IL12RB1: variants seen among roughly 807,000 people sequenced by gnomAD.
The protein encoded by IL12RB1 is interleukin-12 receptor subunit beta-1.
In IL12RB1, 64 loss-of-function variants were observed where a neutral mutation model predicts 94.4. That is an observed-to-expected ratio of 0.68 (90% CI 0.55 to 0.83). The LOEUF (loss-of-function observed/expected upper bound fraction) is 0.83, where lower values mean the gene tolerates loss of function less well. Among genes scored for constraint, IL12RB1 ranks in the 40% least tolerant of loss-of-function variants. The pLI, the probability that IL12RB1 is intolerant of heterozygous loss-of-function variation, is 0.00. For missense variants in IL12RB1, 814 were observed against 855.6 expected (o/e 0.95, Z 0.61); for synonymous variants, 362 against 355.5 (o/e 1.02, Z -0.21).
chr19:18,086,684 A>G, intron 1 of IL12RB1, 76 bp downstream of exon 1: 1 of 1,439,562 alleles, frequency 6.9e-7, no homozygotes. Context: ...CCCACACAGC[A>G]GGCCCACAGC....
chr19:18,066,462 C>G, intron 12 of IL12RB1, 80 bp downstream of exon 12: 1 of 1,032,882 alleles, frequency 9.7e-7, no homozygotes, highest in South Asian at 1.3e-5. Flanking sequence ...CGGCAAGGTG[C>G]CCAGGGTCAC....
chr19:18,077,410 G>A, intron 5 of IL12RB1, 106 bp downstream of exon 5: 1 of 855,278 alleles, frequency 1.2e-6, no homozygotes, highest in Non-Finnish European at 1.9e-6. Context: ...GCTAGAGTGG[G>A]GGCTGGTTGG....
intron 1 of IL12RB1, among the ~76,000 whole-genome samples, chr19:18,097,092 C>A (rs1417310059): frequency 1.3e-5 from 2 of 152,072 alleles, no homozygotes; most frequent in Non-Finnish European, 2.9e-5. Context: ...TGTGGGGCCA[C>A]CTTAAATTTT....
intron 1 of IL12RB1, among the ~76,000 whole-genome samples, chr19:18,096,413 T>C (rs1404297945): frequency 1.3e-5 from 2 of 151,922 alleles, no homozygotes; most frequent in Non-Finnish European, 2.9e-5. Flanking sequence ...AAAAAGAAAC[T>C]GACAACTGCA....
intron 9 of IL12RB1, 129 bp downstream of exon 9, chr19:18,071,983 A>G: frequency 1.4e-6 from 1 of 704,820 alleles, no homozygotes; most frequent in Middle Eastern, 3.7e-4. Context: ...AATTTTTGAT[A>G]CACCCCTAAA....
chr19:18,072,521 C>G (rs373075221), intron 8 of IL12RB1, among the ~76,000 whole-genome samples, 172 bp from the exon 9 acceptor site: 1 of 152,272 alleles, frequency 6.6e-6, no homozygotes, highest in East Asian at 1.9e-4. Context: ...TGCTGTGAGA[C>G]AGGCATTCAC....
At chr19:18,095,864 T>C (rs1343843252) in intron 1 of IL12RB1, among the ~76,000 whole-genome samples, 3 of 152,002 alleles carry the variant, frequency 2.0e-5, no homozygotes, top group African/African-American at 7.2e-5. Context: ...GTGTCCACAC[T>C]GTACAGTGGG....
intron 1 of IL12RB1, chr19:18,098,700 C>A: frequency 2.2e-6 from 1 of 456,680 alleles, no homozygotes; most frequent in Non-Finnish European, 4.4e-6. Flanking sequence ...ACTTAGACCA[C>A]ACCCTTAAGA....
chr19:18,071,368 TA>T, intron 9 of IL12RB1: 1 of 1,019,184 alleles, frequency 9.8e-7, no homozygotes, highest in Non-Finnish European at 1.3e-6. Flanking sequence ...AGATCTTAAA[TA>T]AACACAGGGT....
intron 4 of IL12RB1, among the ~76,000 whole-genome samples, chr19:18,078,486 G>T (rs1295451002): frequency 6.6e-6 from 1 of 151,848 alleles, no homozygotes; most frequent in East Asian, 1.9e-4. Context: ...TGTTAGTGAA[G>T]ATAACTTTAA....
intron 1 of IL12RB1, among the ~76,000 whole-genome samples, chr19:18,094,842 C>T (rs1236768045): frequency 1.3e-5 from 2 of 151,452 alleles, no homozygotes; most frequent in African/African-American, 4.9e-5. Context: ...CCATATGACC[C>T]CGGAAGTCCA....
intron 3 of IL12RB1, among the ~76,000 whole-genome samples, chr19:18,081,645 ACT>A (rs1316445716): frequency 6.6e-6 from 1 of 151,504 alleles, no homozygotes; most frequent in Non-Finnish European, 1.5e-5. Flanking sequence ...ACATGGTGAG[ACT>A]CTGTCTCTAC....
At chr19:18,097,963 C>G in intron 1 of IL12RB1, 1 of 715,150 alleles carries the variant, frequency 1.4e-6, no homozygotes, top group Non-Finnish European at 1.9e-6. Flanking sequence ...ACGCTCAGAT[C>G]GCTTCTTTTT....
At chr19:18,069,522 G>A (rs1156559784) in intron 10 of IL12RB1, 24 bp downstream of exon 10, 11 of 1,586,524 alleles carry the variant, frequency 6.9e-6, no homozygotes, top group African/African-American at 1.3e-5. Flanking sequence ...GGAGGGGTAG[G>A]CGCAGGCCAT....
At chr19:18,083,512 T>A (rs778791839) in intron 1 of IL12RB1, 21 bp from the exon 2 acceptor site, 1 of 1,612,800 alleles carries the variant, frequency 6.2e-7, no homozygotes. Flanking sequence ...AATGAAGACA[T>A]AATGACATTC....
intron 9 of IL12RB1, chr19:18,071,427 A>G: frequency 1.5e-6 from 1 of 671,400 alleles, no homozygotes; most frequent in Non-Finnish European, 2.3e-6. Flanking sequence ...TTTTTTGAAA[A>G]AGAGTGTAGC....
rs187158420 is a variant in IL12RB1 at position 18,098,479 on chromosome 19, C to T, written c.-230+276G>A. Among the ~76,000 whole-genome samples the T allele has an allele frequency of 3.0e-3, 452 of 151,950 alleles. 2 individuals carry two copies. The highest frequency in any genetic ancestry group is 9.4e-3 in the African/African-American group (391 of 41,418). ...CTCTGGGCCTCAGTTTTCCAATGAG[C>T]CATAGGGTCCTCCTTTTACTGAGTT... On this transcript the variant is annotated intron_variant, in intron 1 of 4. Coordinates refer to the IL12RB1 transcript ENST00000594176.
At chr19:18,064,508 T>C (rs985201123) in intron 12 of IL12RB1, among the ~76,000 whole-genome samples, 3 of 150,856 alleles carry the variant, frequency 2.0e-5, no homozygotes, top group Non-Finnish European at 2.9e-5. Context: ...AGTCTCACTC[T>C]GTTGCCCAGG....
At chr19:18,067,232 G>A (rs1035641040) in intron 11 of IL12RB1, among the ~76,000 whole-genome samples, 3 of 149,226 alleles carry the variant, frequency 2.0e-5, no homozygotes, top group African/African-American at 4.9e-5. Context: ...GCTGAGGCAC[G>A]AGAATCGCTT....
Sources: gnomAD v4.1 joint callset for allele counts (sites outside exome capture counted in the v4.1 genomes callset) on GRCh38, gnomAD v4.1.1 for gene constraint, MANE v1.5 for transcripts, NCBI Gene and HGNC (gene_info 2026-07-23, HGNC 2026-07-21) for gene names.